The following SMAP2 variants were observed in gnomAD, a reference collection of about 807,000 sequenced individuals.
SMAP2 encodes the protein stromal membrane-associated protein 2.
A neutral mutation model predicts 56.4 loss-of-function variants in SMAP2; 25 were observed. The ratio of observed to expected loss-of-function variants is 0.44; its 90% CI spans 0.32 to 0.62. The LOEUF is 0.62. Among genes scored for constraint, SMAP2 ranks in the 20% least tolerant of loss-of-function variants. The probability of loss-of-function intolerance (pLI) is 0.04; values close to 1 mark genes in which losing one functional copy is unlikely to be tolerated. For synonymous variants in SMAP2, 157 were observed against 181.7 expected (o/e 0.86, Z 1.09); for missense variants, 388 against 545.6 (o/e 0.71, Z 2.88).
rs1569939419 is a variant in SMAP2, at chr1:40,422,865, A to G, written c.*764A>G. The G allele has an allele frequency of 6.6e-6, 1 of 152,630 alleles. No individual in the cohort carries two copies. The highest frequency in any genetic ancestry group is 1.9e-4 in the East Asian group (1 of 5,192). 9.5% of individuals were successfully genotyped at this position (152,630 alleles called of 1,614,324 possible). On this transcript the variant is annotated 3_prime_UTR_variant, in exon 10 of 10. Transcript: ENST00000372718. ...ACCAACCCCTATAGTGGGAATGCAG[A>G]GCTTAACGTGTACTGCTTGTGTGTG...
intron 5 of SMAP2, 119 bp from the exon 6 acceptor site, chr1:40,414,040 G>A: frequency 1.2e-6 from 1 of 826,268 alleles, no homozygotes; most frequent in Non-Finnish European, 1.9e-6. Flanking sequence ...TGTTTCTTTG[G>A]TAACTCTCTT....
Position 40,374,158 on chromosome 1 carries a change from A to C in SMAP2, c.38A>C (p.Gln13Pro), listed in dbSNP as rs765794932. 4 of 1,613,736 alleles carry C rather than the reference A, an allele frequency of 2.5e-6. No individual in the cohort carries two copies. The East Asian group carries it at 6.7e-5, about 27-fold the overall frequency. ...TCGGTGAAGGACGTGGATCGGTACC[A>C]GGCTGTCCTGGCCAACCTGCTGCTG... is the stretch of plus-strand genomic sequence containing the variant. ...GKSVKDVDRY[Q>P]AVLANLLLEE... is the part of the protein sequence containing the mutation. Residue 13 changes from glutamine (Q) to proline (P), a missense_variant, in exon 1 of 10, where the codon CAG becomes CCG. Coordinates refer to ENST00000372718, the MANE Select transcript of SMAP2 (RefSeq NM_022733.3). This position sits in a 1 kb window ranked among gnomAD's most constrained non-coding sequence, Gnocchi z 5.9.
At chr1:40,359,809 A>C (rs554765154) in intron 1 of SMAP2, among the ~76,000 whole-genome samples, 1 of 152,270 alleles carries the variant, frequency 6.6e-6, no homozygotes, top group African/African-American at 2.4e-5. Context: ...AACTAATAAA[A>C]ACTCAACACT....
intron 1 of SMAP2, among the ~76,000 whole-genome samples, chr1:40,397,396 C>T (rs951661529): frequency 2.6e-5 from 4 of 152,130 alleles, no homozygotes; most frequent in African/African-American, 7.2e-5. Flanking sequence ...TTTACACAAC[C>T]TTAATTGTTA....
At chr1:40,388,535 TG>T (rs765501306) in intron 1 of SMAP2, among the ~76,000 whole-genome samples, 89 of 152,134 alleles carry the variant, frequency 5.9e-4, no homozygotes, top group Non-Finnish European at 1.0e-3. Context: ...CTACTCTTGG[TG>T]GGGATTTGGA....
chr1:40,421,038 CT>C (rs749926230), intron 9 of SMAP2, among the ~76,000 whole-genome samples: 851 of 132,974 alleles, frequency 6.4e-3, no homozygotes, highest in African/African-American at 6.6e-3. Context: ...ATAGCTGCAG[CT>C]TTTTTTTTTT....
At chr1:40,347,613 CT>C (rs757327141) in intron 1 of SMAP2, among the ~76,000 whole-genome samples, 39 of 152,146 alleles carry the variant, frequency 2.6e-4, no homozygotes, top group Admixed American at 4.6e-4. Context: ...AGTGATTCCC[CT>C]GGCTCAGCCT....
Position 40,394,827 on chromosome 1 carries a change from G to A in SMAP2, c.104-11909G>A, listed in dbSNP as rs578144766. ...ATATATGTGTACATTGATTTTTGTGGCAGTCAGGAGGTCCTCTAGTTGGAA... is the reference window on the plus strand; with the variant it reads ...ATATATGTGTACATTGATTTTTGTGACAGTCAGGAGGTCCTCTAGTTGGAA... On this transcript the variant is annotated intron_variant, in intron 1 of 9. Coordinates refer to ENST00000372718, the MANE Select transcript of SMAP2 (RefSeq NM_022733.3). 2.0e-5 allele frequency among the ~76,000 whole-genome samples: 3 copies of A among 152,198 alleles called. No individual in the cohort carries two copies. The South Asian group carries it at 6.2e-4, about 32-fold the overall frequency.
At chr1:40,401,718 A>G (rs1403116744) in intron 1 of SMAP2, among the ~76,000 whole-genome samples, 1 of 152,200 alleles carries the variant, frequency 6.6e-6, no homozygotes, top group Non-Finnish European at 1.5e-5. Flanking sequence ...AGCTGTCCAG[A>G]TGTTGAATAT....
At chr1:40,414,886 C>T (rs760649285) in intron 6 of SMAP2, among the ~76,000 whole-genome samples, 6 of 152,146 alleles carry the variant, frequency 3.9e-5, no homozygotes, top group African/African-American at 9.7e-5. Context: ...TGTTTCCATC[C>T]GCTTCTGCTG....
chr1:40,408,993 A>G lies in SMAP2; in HGVS notation c.323+255A>G, dbSNP rs1229294168. Among the ~76,000 whole-genome samples the G allele has an allele frequency of 1.3e-5, 2 of 152,248 alleles. No homozygotes were observed. The highest frequency in any genetic ancestry group is 2.1e-4 in the South Asian group (1 of 4,834). The stretch of plus-strand genomic sequence containing the variant: ...CAGTGATTTCACTGTGAATTCTTCT[A>G]TAAAGTTACATCTCCACTAGTTTAT... On this transcript the variant is annotated intron_variant, in intron 3 of 9. Coordinates refer to ENST00000372718, the MANE Select transcript of SMAP2 (RefSeq NM_022733.3). The surrounding 1 kb of genome is among the most constrained non-coding windows in gnomAD (Gnocchi z 4.3).
At chr1:40,355,892 TG>T (rs1557821854) in intron 1 of SMAP2, among the ~76,000 whole-genome samples, 2 of 152,142 alleles carry the variant, frequency 1.3e-5, no homozygotes, top group Non-Finnish European at 2.9e-5. Flanking sequence ...ATTATAGGTG[TG>T]AGCCACTGCA....
intron 1 of SMAP2, among the ~76,000 whole-genome samples, chr1:40,384,944 T>C (rs970129715): frequency 6.6e-6 from 1 of 152,216 alleles, no homozygotes; most frequent in Non-Finnish European, 1.5e-5. Context: ...CTATTCCGTT[T>C]CCCACACTTT....
At chr1:40,392,475 TCA>T (rs1210003719) in intron 1 of SMAP2, among the ~76,000 whole-genome samples, 3 of 152,178 alleles carry the variant, frequency 2.0e-5, no homozygotes, top group Non-Finnish European at 2.9e-5. Context: ...TGAGATAGTC[TCA>T]CTGTTTGGCT....
At chr1:40,379,528 A>AATGATTT (rs1329156884) in intron 1 of SMAP2, among the ~76,000 whole-genome samples, 1 of 150,798 alleles carries the variant, frequency 6.6e-6, no homozygotes, top group Non-Finnish European at 1.5e-5. Flanking sequence ...GCTATTCTTA[A>AATGATTT]ATGATTTGGA....
At position 40,385,530 on chromosome 1, in the gene SMAP2, T is replaced by A. The variant is rs1421087313; in HGVS notation, c.103+11307T>A. Reference sequence around the variant, plus strand: ...CATTTCCCCTCACCCACAAATCAAATGTGTAATGCTCTCATTTTATGATGT... The same window carrying A: ...CATTTCCCCTCACCCACAAATCAAAAGTGTAATGCTCTCATTTTATGATGT... On this transcript the variant is annotated intron_variant, in intron 1 of 9. Transcript: ENST00000372718. The surrounding 1 kb of genome is among the most constrained non-coding windows in gnomAD (Gnocchi z 4.5). Among the ~76,000 whole-genome samples, 1 of 152,212 alleles carries A rather than the reference T, an allele frequency of 6.6e-6. No homozygotes were observed.
intron 2 of SMAP2, 130 bp downstream of exon 2, chr1:40,406,999 A>G: frequency 1.1e-6 from 1 of 924,156 alleles, no homozygotes; most frequent in African/African-American, 1.7e-5. Context: ...TTAACATCAG[A>G]TTCTTGTACC....
rs1434588504 is a variant in SMAP2, at chr1:40,374,712, G to T, written c.103+489G>T. ...ACTGCTTAAATGATTTTTAAAGGTG[G>T]TGATTTTTGCTTCCTGCTATTTGGT... On this transcript the variant is annotated intron_variant, in intron 1 of 9. Coordinates refer to ENST00000372718, the MANE Select transcript of SMAP2 (RefSeq NM_022733.3). The surrounding 1 kb of genome is among the most constrained non-coding windows in gnomAD (Gnocchi z 5.9). 6.4e-7 allele frequency: 1 copy of T among 1,550,446 alleles called. No homozygotes were observed. The highest frequency in any genetic ancestry group is 8.7e-7 in the Non-Finnish European group (1 of 1,146,976).
At chr1:40,409,532 T>C (rs78962439) in intron 3 of SMAP2, among the ~76,000 whole-genome samples, 9 of 152,370 alleles carry the variant, frequency 5.9e-5, no homozygotes, top group African/African-American at 1.7e-4. Flanking sequence ...GCTGCTATCA[T>C]CACGCTGAAG....
Sources: gnomAD v4.1 joint callset for allele counts (sites outside exome capture counted in the v4.1 genomes callset) on GRCh38, gnomAD v4.1.1 for gene constraint, Gnocchi (gnomAD v3.1) non-coding constraint, MANE v1.5 for transcripts, NCBI Gene and HGNC (gene_info 2026-07-23, HGNC 2026-07-21) for gene names.